CADPS: variants seen among roughly 807,000 people sequenced by gnomAD.
CADPS encodes calcium dependent secretion activator.
Under a neutral mutation model 167.3 loss-of-function variants are expected in CADPS, and 57 were observed. The ratio of observed to expected loss-of-function variants is 0.34; its 90% CI spans 0.28 to 0.42. CADPS has a LOEUF of 0.42. Among genes scored for constraint, CADPS ranks in the 20% least tolerant of loss-of-function variants. The probability of loss-of-function intolerance (pLI) is 1.00; values close to 1 mark genes in which losing one functional copy is unlikely to be tolerated. For missense variants in CADPS, 1,414 were observed against 1,738.1 expected, an observed-to-expected ratio of 0.81 and a Z score of 3.32; for synonymous variants, 676 against 635.3, an observed-to-expected ratio of 1.06 and a Z score of -0.96.
At chr3:62,803,008 G>A (rs1325403106) in intron 1 of CADPS, among the ~76,000 whole-genome samples, 1 of 152,140 alleles carries the variant, frequency 6.6e-6, no homozygotes, top group Non-Finnish European at 1.5e-5. Flanking sequence ...AGATGAGCAA[G>A]AAGAACACTT....
chr3:62,762,804 A>T (rs1246218230), intron 2 of CADPS, among the ~76,000 whole-genome samples: 1 of 152,200 alleles, frequency 6.6e-6, no homozygotes, highest in East Asian at 1.9e-4. Context: ...CTGAGTAATG[A>T]ATATATGCAT....
intron 1 of CADPS, among the ~76,000 whole-genome samples, chr3:62,837,031 C>T (rs1017008082): frequency 2.0e-5 from 3 of 152,146 alleles, no homozygotes; most frequent in African/African-American, 7.2e-5. Flanking sequence ...AGAGGCTTTA[C>T]ACCTTTTCTT....
At chr3:62,727,663 C>T (rs2076994058) in intron 3 of CADPS, among the ~76,000 whole-genome samples, 1 of 151,736 alleles carries the variant, frequency 6.6e-6, no homozygotes, top group South Asian at 2.1e-4. Context: ...AATACTAATA[C>T]AACACTAGAT....
At chr3:62,617,265 G>A (rs2062463257) in intron 6 of CADPS, among the ~76,000 whole-genome samples, 1 of 152,128 alleles carries the variant, frequency 6.6e-6, no homozygotes, top group African/African-American at 2.4e-5. Context: ...TGGTTCAGAG[G>A]AGAACGAGAT....
In CADPS at chr3:62,507,157, G is replaced by A. The variant is rs1256607412; in HGVS notation, c.2599+5594C>T. On this transcript the variant is annotated intron_variant, in intron 17 of 29. Coordinates refer to ENST00000383710, the MANE Select transcript of CADPS (RefSeq NM_003716.4). The stretch of plus-strand genomic sequence containing the variant: ...CATTGCCACAAGCTGTCTTGGGCGG[G>A]AGCTTGGAGCATCTGGAGGGATGAT... Among the ~76,000 whole-genome samples the A allele has an allele frequency of 2.6e-5, 4 of 152,132 alleles. No individual in the cohort carries two copies. The East Asian group carries it at 7.7e-4, about 29-fold the overall frequency.
At chr3:62,512,899 C>A in intron 16 of CADPS, 131 bp from the exon 17 acceptor site, 1 of 646,262 alleles carries the variant, frequency 1.5e-6, no homozygotes, top group Non-Finnish European at 2.5e-6. Flanking sequence ...GAAAAGGTTG[C>A]CCTTGGGTTC....
Position 62,478,064 on chromosome 3 carries a change from T to C in CADPS, c.3329+197A>G. 1.8e-6 allele frequency: 1 copy of C among 548,424 alleles called. No individual in the cohort carries two copies. The highest frequency in any genetic ancestry group is 3.2e-6 in the Non-Finnish European group (1 of 314,662). The allele number at this position is 548,424 out of a possible 1,614,324, so 34.0% of individuals were successfully genotyped here. Reference sequence around the variant, plus strand: ...TGAAAAAATTGGCAGCCAGATTATTTTGGGTTTGGGACAGATGGAGGGCAG... The same window carrying C: ...TGAAAAAATTGGCAGCCAGATTATTCTGGGTTTGGGACAGATGGAGGGCAG... On this transcript the variant is annotated intron_variant, in intron 23 of 29. Coordinates refer to ENST00000383710, the MANE Select transcript of CADPS (RefSeq NM_003716.4). The surrounding 1 kb of genome is among the most constrained non-coding windows in gnomAD (Gnocchi z 5.7).
Position 62,753,670 on chromosome 3 carries a change from C to T in CADPS, c.659G>A (p.Arg220His), listed in dbSNP as rs776247631. ...VFKKHIEKRV[R>H]SLPEIDGLSK... ...GAGGCCGTCAATCTCAGGCAGGCTGCGCACTCTCTTCTCAATGTGCTTCTT... is the reference window on the plus strand; with the variant it reads ...GAGGCCGTCAATCTCAGGCAGGCTGTGCACTCTCTTCTCAATGTGCTTCTT... The change falls in exon 3 of 30, where the codon CGC becomes CAC. Residue 220 changes from arginine (R) to histidine (H), a missense_variant. By Grantham distance (29) the Arg-to-His change is conservative. This residue lies in a region of CADPS where 522 missense variants were observed against 559.5 expected (regional missense o/e 0.93). Transcript: ENST00000383710. The surrounding 1 kb of genome is among the most constrained non-coding windows in gnomAD (Gnocchi z 4.6). The T allele has an allele frequency of 1.2e-5, 20 of 1,614,024 alleles. No homozygotes were observed. Among genetic ancestry groups the T allele is most frequent in the South Asian group, 3.3e-5 (3 of 91,078 alleles).
chr3:62,809,055 T>A (rs1266739452), intron 1 of CADPS, among the ~76,000 whole-genome samples: 1 of 152,172 alleles, frequency 6.6e-6, no homozygotes, highest in African/African-American at 2.4e-5. Flanking sequence ...TTCTGTTGAG[T>A]CTATTGCCAG....
At chr3:62,706,605 T>C (rs4688319) in intron 3 of CADPS, among the ~76,000 whole-genome samples, 114,331 of 152,054 alleles carry the variant, frequency 0.75, 43,211 homozygotes, top group East Asian at 0.92. Flanking sequence ...GAGTCTGTTC[T>C]GGGCCTCTCC....
intron 5 of CADPS, among the ~76,000 whole-genome samples, chr3:62,649,480 T>C (rs2069447567): frequency 6.7e-6 from 1 of 149,822 alleles, no homozygotes; most frequent in Admixed American, 6.6e-5. Flanking sequence ...ATTAATCCAC[T>C]TCCTATTTCT....
At chr3:62,788,358 G>T (rs2092646526) in intron 1 of CADPS, among the ~76,000 whole-genome samples, 1 of 152,098 alleles carries the variant, frequency 6.6e-6, no homozygotes, top group South Asian at 2.1e-4. Context: ...GGTTTTCTCA[G>T]ATAAAAACCA....
intron 4 of CADPS, among the ~76,000 whole-genome samples, chr3:62,652,972 G>T (rs1255665673): frequency 1.3e-5 from 2 of 152,070 alleles, no homozygotes; most frequent in Non-Finnish European, 2.9e-5. Flanking sequence ...TCTTTGTGCT[G>T]GTCCAGTGCC....
At position 62,602,633 on chromosome 3, in the gene CADPS, T is replaced by A. The variant is rs140447935; in HGVS notation, c.1326-9885A>T. The stretch of plus-strand genomic sequence containing the variant: ...ATAGGCTGGGCTTTGGGTTCTTTAG[T>A]GTACTAGAAAAGCTAAGCTACCTCT... On this transcript the variant is annotated intron_variant, in intron 6 of 29. Coordinates refer to ENST00000383710, the MANE Select transcript of CADPS (RefSeq NM_003716.4). This position sits in a 1 kb window ranked among gnomAD's most constrained non-coding sequence, Gnocchi z 4.4. 6.6e-6 allele frequency among the ~76,000 whole-genome samples: 1 copy of A among 152,152 alleles called. No homozygotes were observed. The highest frequency in any genetic ancestry group is 1.5e-5 in the Non-Finnish European group (1 of 68,020).
chr3:62,787,543 AT>A (rs1204918153), intron 1 of CADPS, among the ~76,000 whole-genome samples: 1 of 152,086 alleles, frequency 6.6e-6, no homozygotes, highest in Non-Finnish European at 1.5e-5. Flanking sequence ...TTTTATCTAT[AT>A]TTTCCATAGT....
At chr3:62,726,335 C>G (rs1252326472) in intron 3 of CADPS, among the ~76,000 whole-genome samples, 1 of 151,880 alleles carries the variant, frequency 6.6e-6, no homozygotes, top group Admixed American at 6.5e-5. Context: ...TTCATTTCTC[C>G]TCATAGCATA....
At position 62,402,243 on chromosome 3, in the gene CADPS, G is replaced by C. The variant is rs1291509049; in HGVS notation, c.3882+838C>G. ...GACTAAGAAACGGGGTGGGGGCGGG[G>C]GGGGGGGGTGCCCAGGAGTGGGTGT... is the stretch of plus-strand genomic sequence containing the variant. On this transcript the variant is annotated intron_variant, in intron 29 of 29. Coordinates refer to ENST00000383710, the MANE Select transcript of CADPS (RefSeq NM_003716.4). 3.1e-5 allele frequency among the ~76,000 whole-genome samples: 4 copies of C among 129,512 alleles called. 1 individual carries two copies. Among genetic ancestry groups the C allele is most frequent in the Non-Finnish European group, 4.8e-5 (3 of 62,336 alleles). The allele number at this position is 129,512 out of a possible 152,430, so 85.0% of individuals were successfully genotyped here.
intron 1 of CADPS, among the ~76,000 whole-genome samples, chr3:62,807,093 T>A (rs2094139300): frequency 6.6e-6 from 1 of 152,204 alleles, no homozygotes; most frequent in Admixed American, 6.5e-5. Flanking sequence ...TATCAGGGAA[T>A]AAGACATTTT....
chr3:62,487,467 G>A (rs1349322980), intron 21 of CADPS, among the ~76,000 whole-genome samples: 5 of 152,186 alleles, frequency 3.3e-5, no homozygotes, highest in Non-Finnish European at 5.9e-5. Flanking sequence ...ACCCATGAGA[G>A]GGCCATGGGC....
Sources: gnomAD v4.1 joint callset for allele counts (sites outside exome capture counted in the v4.1 genomes callset) on GRCh38, gnomAD v4.1.1 for gene constraint, gnomAD v4.1.1 regional missense constraint, Gnocchi (gnomAD v3.1) non-coding constraint, MANE v1.5 for transcripts, NCBI Gene and HGNC (gene_info 2026-07-23, HGNC 2026-07-21) for gene names.